The following C19orf47 variants were observed in gnomAD, a reference collection of about 807,000 sequenced individuals.
The protein encoded by C19orf47 is chromosome 19 open reading frame 47, also known as uncharacterized protein C19orf47.
In C19orf47, 18 loss-of-function variants were observed where a neutral mutation model predicts 32.3. That is an observed-to-expected ratio of 0.56 (90% CI 0.39 to 0.83). The LOEUF (loss-of-function observed/expected upper bound fraction) is 0.83. Among genes scored for constraint, C19orf47 ranks in the 40% least tolerant of loss-of-function variants. The pLI, the probability that C19orf47 is intolerant of heterozygous loss-of-function variation, is 0.00. For synonymous variants in C19orf47, 202 were observed against 211.1 expected (o/e 0.96, Z 0.37); for missense variants, 484 against 531.6 (o/e 0.91, Z 0.88).
At chr19:40,306,716 C>T in the C19orf47 span, among the ~76,000 whole-genome samples, 1 of 151,344 alleles carries the variant, frequency 6.6e-6, no homozygotes. Flanking sequence ...TGTTACTTTT[C>T]TAAAAGTTTA....
the C19orf47 span, among the ~76,000 whole-genome samples, chr19:40,296,502 G>A: frequency 2.0e-5 from 3 of 151,532 alleles, no homozygotes; most frequent in Non-Finnish European, 4.4e-5. Context: ...GGCTGGTCTC[G>A]AACTCCTGAC....
At chr19:40,348,136 C>G (rs187325420) in intron 1 of C19orf47, among the ~76,000 whole-genome samples, 188 bp downstream of exon 1, 115 of 152,334 alleles carry the variant, frequency 7.5e-4, no homozygotes, top group African/African-American at 2.6e-3. Context: ...ACTTCTCACT[C>G]CCATTTATAA....
intron 2 of C19orf47, among the ~76,000 whole-genome samples, chr19:40,340,181 A>G (rs1166544855): frequency 6.6e-6 from 1 of 151,958 alleles, no homozygotes; most frequent in Non-Finnish European, 1.5e-5. Context: ...TATAATGTAC[A>G]TGCAAAAAAG....
the C19orf47 span, among the ~76,000 whole-genome samples, chr19:40,294,940 C>T: frequency 6.6e-6 from 1 of 152,250 alleles, no homozygotes; most frequent in South Asian, 2.1e-4. Context: ...CCCGGTGTCA[C>T]AGATTAGCGG....
At chr19:40,296,505 C>T in the C19orf47 span, among the ~76,000 whole-genome samples, 1 of 152,010 alleles carries the variant, frequency 6.6e-6, no homozygotes, top group Non-Finnish European at 1.5e-5. Flanking sequence ...TGGTCTCGAA[C>T]TCCTGACCTC....
the C19orf47 span, among the ~76,000 whole-genome samples, chr19:40,303,844 C>T: frequency 2.0e-5 from 3 of 150,958 alleles, no homozygotes; most frequent in Non-Finnish European, 4.4e-5. Flanking sequence ...CACTGGAACC[C>T]CTAATGCAAA....
the C19orf47 span, among the ~76,000 whole-genome samples, chr19:40,308,856 G>A: frequency 6.6e-6 from 1 of 151,564 alleles, no homozygotes; most frequent in Non-Finnish European, 1.5e-5. Flanking sequence ...GATCGCTTGG[G>A]CCCAAGAGTT....
At chr19:40,345,866 A>T (rs1016639033) in intron 1 of C19orf47, among the ~76,000 whole-genome samples, 2 of 148,856 alleles carry the variant, frequency 1.3e-5, no homozygotes, top group African/African-American at 5.0e-5. Flanking sequence ...AAAAAAAAAA[A>T]AGGAAAGGTG....
At position 40,321,771 on chromosome 19, in the gene C19orf47, G is replaced by C. The variant is rs1327640085; in HGVS notation, c.*111C>G. On this transcript the variant is annotated 3_prime_UTR_variant, in exon 9 of 9. Coordinates refer to ENST00000683109, the MANE Select transcript of C19orf47 (RefSeq NM_001256441.2). ...GGGCCTAGCTCTAGAGCCCGAGGGA[G>C]ACAAGCTGTGTCATCCAGGAGCTGG... is the stretch of plus-strand genomic sequence containing the variant. 1.4e-6 allele frequency: 2 copies of C among 1,440,078 alleles called. No homozygotes were observed. Among genetic ancestry groups the C allele is most frequent in the Non-Finnish European group, 1.8e-6 (2 of 1,101,240 alleles). The allele number at this position is 1,440,078 out of a possible 1,614,324, so 89.2% of individuals were successfully genotyped here.
the C19orf47 span, among the ~76,000 whole-genome samples, chr19:40,309,675 C>T: frequency 7.2e-6 from 1 of 139,494 alleles, no homozygotes; most frequent in African/African-American, 2.9e-5. Flanking sequence ...GGTGGCAGAG[C>T]GACCTTATCT....
In C19orf47 at chr19:40,322,427, A is replaced by G. The variant is rs538482934; in HGVS notation, c.664-51T>C. On this transcript the variant is annotated intron_variant, in intron 8 of 8. Coordinates refer to ENST00000683109, the MANE Select transcript of C19orf47 (RefSeq NM_001256441.2). The stretch of plus-strand genomic sequence containing the variant: ...TGAGTCACTGAGTCACTCAACACAC[A>G]TTCATGGAGAGCTGCTTCCTCTGTG... 110 of 1,502,998 alleles carry G rather than the reference A, an allele frequency of 7.3e-5. No individual in the cohort carries two copies. The South Asian group carries it at 1.4e-3, about 19-fold the overall frequency. 93.1% of individuals were successfully genotyped at this position (1,502,998 alleles called of 1,614,324 possible).
At chr19:40,326,971 C>T (rs961625773) in intron 6 of C19orf47, among the ~76,000 whole-genome samples, 2 of 151,366 alleles carry the variant, frequency 1.3e-5, no homozygotes, top group Admixed American at 6.6e-5. Flanking sequence ...CTCCCAGGCT[C>T]GCCATCTTCG....
At chr19:40,311,506 C>T in the C19orf47 span, among the ~76,000 whole-genome samples, 2 of 152,114 alleles carry the variant, frequency 1.3e-5, no homozygotes, top group South Asian at 4.2e-4. Context: ...CGCACCACTG[C>T]AGTCTAGCCT....
At chr19:40,323,767 G>C (rs1314761887) in intron 8 of C19orf47, among the ~76,000 whole-genome samples, 2 of 152,132 alleles carry the variant, frequency 1.3e-5, no homozygotes, top group African/African-American at 4.8e-5. Context: ...AGACCAGTTG[G>C]GGACATGGTG....
the C19orf47 span, among the ~76,000 whole-genome samples, chr19:40,296,740 C>A: frequency 6.6e-6 from 1 of 151,830 alleles, no homozygotes; most frequent in Non-Finnish European, 1.5e-5. Flanking sequence ...ATGGTGAAAC[C>A]CCATCTCTAC....
downstream of C19orf47, among the ~76,000 whole-genome samples, chr19:40,318,360 C>T (rs150627791): frequency 2.9e-3 from 444 of 152,320 alleles, 1 homozygote; most frequent in African/African-American, 0.01. Context: ...AGTTAACTCC[C>T]CTCTCTGTGC....
chr19:40,296,594 A>T, the C19orf47 span, among the ~76,000 whole-genome samples: 7 of 152,086 alleles, frequency 4.6e-5, no homozygotes, highest in Non-Finnish European at 1.0e-4. Context: ...GTGTTCGTAT[A>T]TCTAAACATA....
the C19orf47 span, among the ~76,000 whole-genome samples, chr19:40,301,987 C>G: frequency 1.3e-5 from 2 of 151,792 alleles, no homozygotes; most frequent in African/African-American, 2.4e-5. Context: ...TGGAGAAACC[C>G]CATCTCTACT....
the C19orf47 span, among the ~76,000 whole-genome samples, chr19:40,311,984 A>C: frequency 6.6e-6 from 1 of 152,068 alleles, no homozygotes; most frequent in Non-Finnish European, 1.5e-5. Flanking sequence ...TCAGTGTTTT[A>C]GTTTATTCAT....
Sources: gnomAD v4.1 joint callset for allele counts (sites outside exome capture counted in the v4.1 genomes callset) on GRCh38, gnomAD v4.1.1 for gene constraint, MANE v1.5 for transcripts, NCBI Gene and HGNC (gene_info 2026-07-23, HGNC 2026-07-21) for gene names.